NDRG2: variants seen among roughly 807,000 people sequenced by gnomAD.
NDRG2 encodes the protein NDRG family member 2.
In NDRG2, 34 loss-of-function variants were observed where a neutral mutation model predicts 58.2. That is an observed-to-expected ratio of 0.58 (90% CI 0.44 to 0.78). The LOEUF (loss-of-function observed/expected upper bound fraction) is 0.78. NDRG2 is among the 30% of genes least tolerant of loss of function. NDRG2 has a pLI of 0.00. For missense variants in NDRG2, 434 were observed against 471.2 expected, an observed-to-expected ratio of 0.92 and a Z score of 0.73; for synonymous variants, 187 against 175.9, an observed-to-expected ratio of 1.06 and a Z score of -0.50.
intron 1 of NDRG2, among the ~76,000 whole-genome samples, chr14:21,044,826 A>T (rs759409923): frequency 6.6e-6 from 1 of 152,150 alleles, no homozygotes; most frequent in Non-Finnish European, 1.5e-5. Flanking sequence ...CCTGCTGAGG[A>T]TTCCACTCTA....
rs868138420 is a variant in NDRG2 at position 21,068,023 on chromosome 14, G to A, written c.24+2805C>T. ...TTTTTTTTTTTTTTTTTTTTGAGAC[G>A]GAGTCTCGCTCTGTCGCCCAGGCTG... On this transcript the variant is annotated intron_variant, in intron 1 of 14. Coordinates refer to the NDRG2 transcript ENST00000403829. 5.0e-4 allele frequency among the ~76,000 whole-genome samples: 6 copies of A among 12,088 alleles called. 3 individuals are homozygous for A. The Middle Eastern group carries it at 0.33, about 672-fold the overall frequency. 7.9% of individuals were successfully genotyped at this position (12,088 alleles called of 152,430 possible). A position where few individuals can be genotyped will look rare whatever the true frequency, so the allele number is the denominator to read the frequency against.
upstream of NDRG2, chr14:21,028,649 T>C (rs1292688170): frequency 1.3e-5 from 2 of 152,180 alleles, no homozygotes; most frequent in Non-Finnish European, 2.9e-5. Context: ...CACAGAATAT[T>C]CTTGAGCAGG....
At position 21,068,294 on chromosome 14, in the gene NDRG2, C is replaced by T. The variant is rs866138093; in HGVS notation, c.24+2534G>A. ...GATTACAGGCGTGAGCCACCGCGCC[C>T]GGCCGGCTCCCCTTTTTCTCCATGA... On this transcript the variant is annotated intron_variant, in intron 1 of 14. Transcript: ENST00000403829. Among the ~76,000 whole-genome samples the T allele has an allele frequency of 4.9e-4, 6 of 12,238 alleles. 3 individuals are homozygous for T. In the East Asian group the frequency reaches 0.028, roughly 57 times the overall value. The allele number at this position is 12,238 out of a possible 152,430, so 8.0% of individuals were successfully genotyped here. A position where few individuals can be genotyped will look rare whatever the true frequency, so the allele number is the denominator to read the frequency against.
chr14:21,036,243 T>G (rs1884619323), intron 1 of NDRG2: 1 of 456,214 alleles, frequency 2.2e-6, no homozygotes, highest in African/African-American at 2.0e-5. Flanking sequence ...CCAGTAAGAC[T>G]CAACTCAAAT....
rs148852139 is a variant in NDRG2 at position 21,047,186 on chromosome 14, T to C, written c.24+23642A>G. Among the ~76,000 whole-genome samples, 389 of 152,314 alleles carry C rather than the reference T, an allele frequency of 2.6e-3. 2 individuals carry two copies. The highest frequency in any genetic ancestry group is 8.7e-3 in the African/African-American group (360 of 41,568). On this transcript the variant is annotated intron_variant, in intron 1 of 14. Coordinates refer to the NDRG2 transcript ENST00000403829. ...TATAAGCTTTCACAACAATTAATAA[T>C]AGCATCTTTCTTAAAAATAATAAAT...
upstream of NDRG2, among the ~76,000 whole-genome samples, chr14:21,027,086 C>A (rs538201568): frequency 2.0e-5 from 3 of 152,266 alleles, no homozygotes; most frequent in African/African-American, 2.4e-5. Flanking sequence ...AAGGGGCCTA[C>A]GCAGGGGCGC....
Position 21,022,155 on chromosome 14 carries a change from T to G in NDRG2, c.251A>C (p.Gln84Pro), listed in dbSNP as rs1172558179. The change falls in exon 5 of 16, where the codon CAG (glutamine) becomes CCG (proline). Residue 84 changes from glutamine to proline, a missense_variant. Physicochemically the swap from Gln to Pro is moderately conservative, Grantham distance 76 (BLOSUM62 -1). Coordinates refer to ENST00000556147, the MANE Select transcript of NDRG2 (RefSeq NM_001320329.2). ...NYKSCFQPLF[Q>P]FEDMQEIIQN... ...AATGATTTCCTGCATGTCCTCGAAC[T>G]GAAACAGTGGCTGGAAGCAAGATTT... 5.6e-6 allele frequency: 9 copies of G among 1,614,058 alleles called. No individual in the cohort carries two copies. Among genetic ancestry groups the G allele is most frequent in the Non-Finnish European group, 6.8e-6 (8 of 1,180,042 alleles).
upstream of NDRG2, chr14:21,025,795 C>T (rs1883524569): frequency 1.4e-6 from 1 of 728,984 alleles, no homozygotes; most frequent in South Asian, 6.3e-5. The surrounding 1 kb of genome is among the most constrained non-coding windows in gnomAD (Gnocchi z 5.1). Context: ...AGAGGGCGAT[C>T]GCGGGCAGGC....
intron 1 of NDRG2, chr14:21,036,031 C>T (rs1282442028): frequency 2.7e-5 from 10 of 377,272 alleles, no homozygotes; most frequent in Middle Eastern, 3.7e-4. Flanking sequence ...TTTTACCTCA[C>T]GGCAGTATGA....
chr14:21,020,968 CCTTT>C, intron 6 of NDRG2, 124 bp from the exon 7 acceptor site: 1 of 1,116,062 alleles, frequency 9.0e-7, no homozygotes, highest in Non-Finnish European at 1.3e-6. Context: ...CAGACACGGA[CCTTT>C]CTTTGGAGGA....
intron 1 of NDRG2, chr14:21,058,042 C>T (rs1181708803): frequency 1.2e-6 from 2 of 1,614,038 alleles, no homozygotes; most frequent in African/African-American, 2.7e-5. Flanking sequence ...CTCAAGCATG[C>T]AACTCAGCCA....
intron 1 of NDRG2, among the ~76,000 whole-genome samples, chr14:21,045,037 C>A (rs1885083523): frequency 6.6e-6 from 1 of 152,206 alleles, no homozygotes; most frequent in South Asian, 2.1e-4. Context: ...GAAATGCTAT[C>A]TATGAAACGC....
At chr14:21,032,152 C>A in intron 1 of NDRG2, 1 of 1,480,376 alleles carries the variant, frequency 6.8e-7, no homozygotes, top group Non-Finnish European at 9.4e-7. Flanking sequence ...AAACAATAAA[C>A]ATCTGTGTGT....
intron 1 of NDRG2, among the ~76,000 whole-genome samples, chr14:21,031,737 C>T (rs188321875): frequency 6.6e-6 from 1 of 152,286 alleles, no homozygotes; most frequent in Admixed American, 6.5e-5. Flanking sequence ...AGTACCTGCC[C>T]ACAGCTGTAT....
chr14:21,046,551 A>ATACATACCTACATACC (rs145760049), intron 1 of NDRG2, among the ~76,000 whole-genome samples: 7 of 141,944 alleles, frequency 4.9e-5, no homozygotes, highest in Non-Finnish European at 9.2e-5. Context: ...AAATACATAC[A>ATACATACCTACATACC]TACATACATA....
chr14:21,049,930 C>T (rs1000652751), intron 1 of NDRG2, among the ~76,000 whole-genome samples: 10 of 152,120 alleles, frequency 6.6e-5, no homozygotes, highest in African/African-American at 1.7e-4. Context: ...GTATGCACCA[C>T]CATGCCCGGC....
intron 1 of NDRG2, chr14:21,030,882 ATC>A: frequency 2.0e-6 from 3 of 1,507,212 alleles, no homozygotes; most frequent in Non-Finnish European, 2.7e-6. Context: ...GCGCTGTGCT[ATC>A]CTTTGTCTTC....
chr14:21,046,542 A>AATACATACATACATACCTAC (rs1555333007), intron 1 of NDRG2, among the ~76,000 whole-genome samples: 25 of 109,984 alleles, frequency 2.3e-4, no homozygotes, highest in African/African-American at 3.7e-4. Context: ...TCTCAAAACA[A>AATACATACATACATACCTAC]ATACATACAT....
At chr14:21,059,994 T>C (rs982435730) in intron 1 of NDRG2, among the ~76,000 whole-genome samples, 5 of 152,004 alleles carry the variant, frequency 3.3e-5, no homozygotes, top group African/African-American at 7.3e-5. Context: ...GAGGAACACA[T>C]AGTCACAACG....
Sources: allele counts gnomAD v4.1 joint callset (sites outside exome capture counted in the v4.1 genomes callset), GRCh38; gene constraint gnomAD v4.1.1; non-coding constraint Gnocchi (gnomAD v3.1); transcripts MANE v1.5; gene names NCBI Gene and HGNC (gene_info 2026-07-23, HGNC 2026-07-21).